Variants in RHBDL2 observed in about 807,000 individuals in gnomAD.
The protein encoded by RHBDL2 is rhomboid-related protein 2.
A neutral mutation model predicts 31.7 loss-of-function variants in RHBDL2; 26 were observed. That is an observed-to-expected ratio of 0.82 (90% confidence interval 0.60 to 1.14). The LOEUF (loss-of-function observed/expected upper bound fraction) is 1.14. Among genes scored for constraint, RHBDL2 ranks in the 50% most tolerant of loss-of-function variants. The probability of loss-of-function intolerance (pLI) is 0.00; values close to 1 mark genes in which losing one functional copy is unlikely to be tolerated. For missense variants in RHBDL2, 336 were observed against 364.4 expected (o/e 0.92, Z 0.63); for synonymous variants, 123 against 127.2 (o/e 0.97, Z 0.22).
At position 38,911,367 on chromosome 1, in the gene RHBDL2, T is replaced by C. The variant is rs768176444; in HGVS notation, c.463A>G (p.Lys155Glu). 2.5e-6 allele frequency: 4 copies of C among 1,613,958 alleles called. No individual in the cohort carries two copies. The highest frequency in any genetic ancestry group is 3.4e-6 in the Non-Finnish European group (4 of 1,180,022). Residue 155 changes from lysine (K) to glutamate (E), a missense_variant, in exon 4 of 8, where the codon AAA (lysine) becomes GAA (glutamate). By Grantham distance (56) the Lys-to-Glu change is moderately conservative. Transcript: ENST00000372990. ...VLGIPLEMVH[K>E]GLRVGLVYLA... is the part of the protein sequence containing the mutation. ...TACACCAGCCCCACACGGAGGCCTT[T>C]GTGGACCATTTCCAAGGGAATACCC...
rs72938858 is a variant in RHBDL2, at chr1:38,926,025, G to A, written c.-125-6688C>T. The A allele has an allele frequency of 4.1e-3, 5,203 of 1,257,066 alleles. 175 individuals are homozygous for A. In the African/African-American group the frequency reaches 0.072, roughly 17 times the overall value. 77.9% of individuals were successfully genotyped at this position (1,257,066 alleles called of 1,614,324 possible). ...ATTCTTTGACAACATGTACGTAGTC[G>A]TCATTTGTCAGTTTTCTTGGGGAAT... On this transcript the variant is annotated intron_variant, in intron 1 of 7. Transcript: ENST00000372990.
chr1:38,913,959 A>T (rs1380938959), intron 3 of RHBDL2, among the ~76,000 whole-genome samples: 1 of 152,134 alleles, frequency 6.6e-6, no homozygotes, highest in Non-Finnish European at 1.5e-5. Context: ...TCTACTAAAA[A>T]TACAAAAATT....
At chr1:38,902,477 T>C (rs1322615217) in intron 4 of RHBDL2, among the ~76,000 whole-genome samples, 9 of 151,114 alleles carry the variant, frequency 6.0e-5, no homozygotes, top group Admixed American at 4.6e-4. Context: ...TGGAGTACAG[T>C]GGCGCAATCT....
intron 1 of RHBDL2, among the ~76,000 whole-genome samples, chr1:38,922,913 G>C (rs1301172716): frequency 6.6e-6 from 1 of 152,068 alleles, no homozygotes; most frequent in Non-Finnish European, 1.5e-5. Context: ...CCAATATGGT[G>C]AAACCCATCT....
At chr1:38,890,559 T>C (rs1220098752) in intron 6 of RHBDL2, among the ~76,000 whole-genome samples, 1 of 152,154 alleles carries the variant, frequency 6.6e-6, no homozygotes. Context: ...CTCTTTCTGC[T>C]TCCTAGGGGA....
rs575757836 is a variant in RHBDL2, at chr1:38,923,097, A to G, written c.-125-3760T>C. 1.6e-3 allele frequency among the ~76,000 whole-genome samples: 250 copies of G among 152,306 alleles called. 1 individual carries two copies. Among genetic ancestry groups the G allele is most frequent in the African/African-American group, 5.8e-3 (240 of 41,564 alleles). ...AAGAGTGAAACTCCATCTCAAAAAA[A>G]AGAAAAAAAAAAGGCTGAGAATATC... On this transcript the variant is annotated intron_variant, in intron 1 of 7. Coordinates refer to ENST00000372990, the MANE Select transcript of RHBDL2 (RefSeq NM_017821.5).
chr1:38,900,021 A>G (rs531414688), intron 4 of RHBDL2, among the ~76,000 whole-genome samples: 1 of 152,364 alleles, frequency 6.6e-6, no homozygotes, highest in African/African-American at 2.4e-5. Context: ...TAATGGGGCA[A>G]TGCTCAGAGT....
rs188083794 is a variant in RHBDL2 at position 38,908,577 on chromosome 1, G to A, written c.508+2745C>T. 1.8e-3 allele frequency among the ~76,000 whole-genome samples: 265 copies of A among 151,134 alleles called. 2 individuals carry two copies. Among genetic ancestry groups the A allele is most frequent in the African/African-American group, 5.9e-3 (243 of 41,022 alleles). ...CACTACCCACTTAGGAGTGAAATGGGAAAAGTTCCCTTGTCCCCCTCGCAG... is the reference window on the plus strand; with the variant it reads ...CACTACCCACTTAGGAGTGAAATGGAAAAAGTTCCCTTGTCCCCCTCGCAG... On this transcript the variant is annotated intron_variant, in intron 4 of 7. Transcript: ENST00000372990.
intron 4 of RHBDL2, among the ~76,000 whole-genome samples, chr1:38,900,229 G>A (rs1239475294): frequency 6.6e-6 from 1 of 152,280 alleles, no homozygotes; most frequent in East Asian, 1.9e-4. Context: ...AAAGCAGCCT[G>A]GCCAACATGG....
chr1:38,911,353 C>T lies in RHBDL2; in HGVS notation c.477G>A (p.Val159=). The change falls in exon 4 of 8, where the codon GTG becomes GTA. Residue 159 remains valine (V), a synonymous_variant. Coordinates refer to ENST00000372990, the MANE Select transcript of RHBDL2 (RefSeq NM_017821.5). ...PLEMVHKGLR[V]GLVYLAGVIA... ...TCACTCCTGCCAGGTACACCAGCCC[C>T]ACACGGAGGCCTTTGTGGACCATTT... 1 of 1,613,876 alleles carries T rather than the reference C, an allele frequency of 6.2e-7. No homozygotes were observed. The highest frequency in any genetic ancestry group is 8.5e-7 in the Non-Finnish European group (1 of 1,179,878).
chr1:38,888,596 C>T (rs1442944633), intron 6 of RHBDL2, among the ~76,000 whole-genome samples: 1 of 152,116 alleles, frequency 6.6e-6, no homozygotes, highest in Non-Finnish European at 1.5e-5. Context: ...AGACCAAGTA[C>T]AAAGTCCCTA....
At chr1:38,918,846 C>T in intron 2 of RHBDL2, 121 bp downstream of exon 2, 2 of 1,240,538 alleles carry the variant, frequency 1.6e-6, no homozygotes, top group Non-Finnish European at 2.3e-6. Context: ...TGTGCTGTCC[C>T]CATCCCCACG....
intron 1 of RHBDL2, among the ~76,000 whole-genome samples, chr1:38,931,287 C>T (rs1453275438): frequency 4.6e-5 from 7 of 152,074 alleles, no homozygotes; most frequent in East Asian, 3.9e-4. Flanking sequence ...TTTGGGAGGC[C>T]GAGGTGGGCA....
At chr1:38,928,697 C>T (rs1179212605) in intron 1 of RHBDL2, among the ~76,000 whole-genome samples, 1 of 152,132 alleles carries the variant, frequency 6.6e-6, no homozygotes, top group African/African-American at 2.4e-5. Context: ...CCACCCGCCT[C>T]GGCATCCCAA....
chr1:38,916,078 TAGG>T (rs1404077160), intron 2 of RHBDL2, among the ~76,000 whole-genome samples: 1 of 152,068 alleles, frequency 6.6e-6, no homozygotes, highest in Non-Finnish European at 1.5e-5. Flanking sequence ...GCTATGAAAG[TAGG>T]TCAATGCTGG....
intron 1 of RHBDL2, among the ~76,000 whole-genome samples, chr1:38,924,200 C>T (rs1210837743): frequency 6.6e-6 from 1 of 151,974 alleles, no homozygotes; most frequent in Admixed American, 6.6e-5. Context: ...CCTGCTTGAC[C>T]TGTCAAAGCA....
At chr1:38,900,917 A>G (rs1233330330) in intron 4 of RHBDL2, among the ~76,000 whole-genome samples, 2 of 151,494 alleles carry the variant, frequency 1.3e-5, no homozygotes, top group African/African-American at 4.8e-5. Context: ...GCGTGGTGGC[A>G]CACGTCTGTA....
chr1:38,903,453 T>G (rs189254188), intron 4 of RHBDL2, among the ~76,000 whole-genome samples: 13 of 152,170 alleles, frequency 8.5e-5, no homozygotes, highest in Admixed American at 7.2e-4. Context: ...AAATAGAAAT[T>G]TTAAAAACAT....
In RHBDL2 at chr1:38,925,979, A is replaced by G. The variant is rs147941258; in HGVS notation, c.-125-6642T>C. The G allele has an allele frequency of 1.3e-4, 171 of 1,270,924 alleles. 1 individual carries two copies. The East Asian group carries it at 4.7e-3, about 35-fold the overall frequency. The allele number at this position is 1,270,924 out of a possible 1,614,324, so 78.7% of individuals were successfully genotyped here. ...CAAAATTGCAAGTGTTGAATCTGCA[A>G]ATGTCAAAGACTTCCAGTGGATTCT... On this transcript the variant is annotated intron_variant, in intron 1 of 7. Coordinates refer to ENST00000372990, the MANE Select transcript of RHBDL2 (RefSeq NM_017821.5).
Sources: gnomAD v4.1 joint callset for allele counts (sites outside exome capture counted in the v4.1 genomes callset) on GRCh38, gnomAD v4.1.1 for gene constraint, MANE v1.5 for transcripts, NCBI Gene and HGNC (gene_info 2026-07-23, HGNC 2026-07-21) for gene names.